Variants in LYN observed in about 807,000 individuals in gnomAD.
LYN encodes LYN proto-oncogene, Src family tyrosine kinase.
Under a neutral mutation model 65.0 loss-of-function variants are expected in LYN, and 12 were observed. The ratio of observed to expected loss-of-function variants is 0.18; its 90% confidence interval spans 0.12 to 0.30. The LOEUF (loss-of-function observed/expected upper bound fraction) is 0.30, where lower values mean the gene tolerates loss of function less well. LYN is among the 10% of genes least tolerant of loss of function. The probability of loss-of-function intolerance (pLI) is 1.00; values close to 1 mark genes in which losing one functional copy is unlikely to be tolerated. For synonymous variants in LYN, 222 were observed against 221.2 expected, an observed-to-expected ratio of 1.00 and a Z score of -0.03; for missense variants, 380 against 623.2, an observed-to-expected ratio of 0.61 and a Z score of 4.16.
At chr8:56,003,369 T>G (rs1415902832) in intron 12 of LYN, among the ~76,000 whole-genome samples, 1 of 152,120 alleles carries the variant, frequency 6.6e-6, no homozygotes, top group African/African-American at 2.4e-5. Context: ...CCTGTGTTGT[T>G]CGTTTTTAAA....
Position 55,950,477 on chromosome 8 carries a change from A to C in LYN, c.303A>C (p.Lys101Asn). The C allele has an allele frequency of 6.2e-7, 1 of 1,612,606 alleles. No homozygotes were observed. The highest frequency in any genetic ancestry group is 8.5e-7 in the Non-Finnish European group (1 of 1,179,620). ...KVLEEHGEWWKAKSLLTKKEG... is the reference protein window; with the variant it reads ...KVLEEHGEWWNAKSLLTKKEG... ...ATTCTAGGCATGGAGAATGGTGGAA[A>C]GCAAAGTCCCTTTTAACAAAAAAAG... Residue 101 changes from lysine (K) to asparagine (N), a missense_variant, in exon 5 of 13, where the codon AAA (lysine) becomes AAC (asparagine). Physicochemically the swap from Lys to Asn is moderately conservative, Grantham distance 94. Around this residue, in one of 2 missense-constraint regions of LYN, gnomAD observed 157 missense variants for 193.2 expected, o/e 0.81. Coordinates refer to ENST00000519728, the MANE Select transcript of LYN (RefSeq NM_002350.4).
At chr8:55,961,708 G>A (rs1409245537) in intron 8 of LYN, among the ~76,000 whole-genome samples, 1 of 152,122 alleles carries the variant, frequency 6.6e-6, no homozygotes, top group Non-Finnish European at 1.5e-5. Context: ...GATGGCAAAA[G>A]GGAAATGGTT....
chr8:55,950,979 A>G (rs1806926678), intron 6 of LYN, among the ~76,000 whole-genome samples, 195 bp downstream of exon 6: 1 of 152,194 alleles, frequency 6.6e-6, no homozygotes, highest in South Asian at 2.1e-4. Flanking sequence ...GTGGTGGCTC[A>G]CACCTGTAAT....
intron 8 of LYN, among the ~76,000 whole-genome samples, chr8:55,957,871 C>T (rs987327827): frequency 3.3e-5 from 5 of 152,074 alleles, no homozygotes; most frequent in Non-Finnish European, 5.9e-5. Context: ...TCGCTTGAGC[C>T]TAGGAGGCAG....
intron 7 of LYN, among the ~76,000 whole-genome samples, chr8:55,952,773 C>T (rs1034940560): frequency 6.6e-6 from 1 of 152,120 alleles, no homozygotes; most frequent in South Asian, 2.1e-4. Flanking sequence ...TGCAGATTTG[C>T]AGATCTGTGT....
At chr8:55,881,854 A>G (rs1804661457) in intron 1 of LYN, among the ~76,000 whole-genome samples, 1 of 152,192 alleles carries the variant, frequency 6.6e-6, no homozygotes, top group South Asian at 2.1e-4. Flanking sequence ...GTCTTGTCCA[A>G]AATGATAGCC....
At chr8:55,931,014 A>T (rs1308563673) in intron 1 of LYN, among the ~76,000 whole-genome samples, 1 of 151,742 alleles carries the variant, frequency 6.6e-6, no homozygotes, top group East Asian at 1.9e-4. Flanking sequence ...ATGGGTTCAG[A>T]TTATCTTATT....
At position 56,002,373 on chromosome 8, in the gene LYN, C is replaced by T. The variant is rs564598542; in HGVS notation, c.1336+2824C>T. On this transcript the variant is annotated intron_variant, in intron 12 of 12. Coordinates refer to ENST00000519728, the MANE Select transcript of LYN (RefSeq NM_002350.4). ...GGCGGAGCTTGCAGTGAGCTGAGATCGCGCCACTGCAATCCAGCCTGGGTG... is the reference window on the plus strand; with the variant it reads ...GGCGGAGCTTGCAGTGAGCTGAGATTGCGCCACTGCAATCCAGCCTGGGTG... 7.3e-5 allele frequency among the ~76,000 whole-genome samples: 11 copies of T among 151,506 alleles called. No individual in the cohort carries two copies. In the East Asian group the frequency reaches 1.2e-3, roughly 16 times the overall value.
At chr8:56,009,318 T>C (rs1044006378) in intron 12 of LYN, among the ~76,000 whole-genome samples, 1 of 152,220 alleles carries the variant, frequency 6.6e-6, no homozygotes, top group Admixed American at 6.5e-5. Context: ...TTTGGCAAAC[T>C]GAATGCTGTC....
intron 1 of LYN, among the ~76,000 whole-genome samples, chr8:55,914,748 A>G (rs1307333528): frequency 6.6e-6 from 1 of 152,176 alleles, no homozygotes; most frequent in African/African-American, 2.4e-5. Flanking sequence ...TATCCAGTAG[A>G]TTTACCTAAT....
At chr8:55,886,944 G>A (rs1804814494) in intron 1 of LYN, among the ~76,000 whole-genome samples, 1 of 152,086 alleles carries the variant, frequency 6.6e-6, no homozygotes, top group Non-Finnish European at 1.5e-5. Context: ...CACCCTACCA[G>A]GTCTTATTTC....
At chr8:55,965,153 G>C (rs548581740) in intron 8 of LYN, among the ~76,000 whole-genome samples, 6 of 152,298 alleles carry the variant, frequency 3.9e-5, no homozygotes, top group African/African-American at 1.4e-4. Flanking sequence ...CCAAGAGAAA[G>C]TCAGGATTAA....
chr8:55,975,288 C>A (rs972652551), intron 10 of LYN, among the ~76,000 whole-genome samples: 5 of 152,142 alleles, frequency 3.3e-5, no homozygotes, highest in African/African-American at 9.7e-5. Flanking sequence ...GTAAATGGAG[C>A]CTAGATTATG....
intron 1 of LYN, among the ~76,000 whole-genome samples, chr8:55,923,306 G>A (rs562181403): frequency 7.4e-4 from 113 of 152,176 alleles, no homozygotes; most frequent in African/African-American, 2.6e-3. Flanking sequence ...GGTGGGTCCC[G>A]GTGCCAGGAG....
chr8:55,949,876 A>G (rs976840005), intron 4 of LYN, among the ~76,000 whole-genome samples: 1 of 152,122 alleles, frequency 6.6e-6, no homozygotes, highest in Non-Finnish European at 1.5e-5. Context: ...ATTTTAGAAC[A>G]TTTTAAATAC....
chr8:55,881,706 A>C (rs1323945627), intron 1 of LYN, among the ~76,000 whole-genome samples: 2 of 152,150 alleles, frequency 1.3e-5, no homozygotes, highest in African/African-American at 4.8e-5. Context: ...ATATGCTGTG[A>C]TTTGGGATAA....
chr8:55,921,106 C>T (rs553224906), intron 1 of LYN, among the ~76,000 whole-genome samples: 1 of 152,248 alleles, frequency 6.6e-6, no homozygotes, highest in African/African-American at 2.4e-5. Flanking sequence ...ACGTCTGAAA[C>T]GAAAACAATT....
At chr8:55,882,260 G>T (rs979417834) in intron 1 of LYN, among the ~76,000 whole-genome samples, 1 of 152,134 alleles carries the variant, frequency 6.6e-6, no homozygotes, top group Non-Finnish European at 1.5e-5. Flanking sequence ...AAGGTAGGTC[G>T]AAACTTTGTA....
chr8:55,880,277 G>A (rs909495721), intron 1 of LYN, among the ~76,000 whole-genome samples, 174 bp downstream of exon 1: 7 of 151,900 alleles, frequency 4.6e-5, no homozygotes, highest in Admixed American at 2.0e-4. Context: ...CGGCGGCGAA[G>A]GCTCTTAGAT....
Sources: allele counts gnomAD v4.1 joint callset (sites outside exome capture counted in the v4.1 genomes callset), GRCh38; gene constraint gnomAD v4.1.1; regional missense constraint gnomAD v4.1.1; transcripts MANE v1.5; gene names NCBI Gene and HGNC (gene_info 2026-07-23, HGNC 2026-07-21).